Variants in EIF2AK3 observed in about 807,000 individuals in gnomAD.
The protein encoded by EIF2AK3 is eukaryotic translation initiation factor 2 alpha kinase 3, also known as eukaryotic translation initiation factor 2-alpha kinase 3.
A neutral mutation model predicts 113.5 loss-of-function variants in EIF2AK3; 50 were observed. The ratio of observed to expected loss-of-function variants is 0.44; its 90% CI spans 0.35 to 0.56. The LOEUF is 0.56. Among genes scored for constraint, EIF2AK3 ranks in the 20% least tolerant of loss-of-function variants. The pLI, the probability that EIF2AK3 is intolerant of heterozygous loss-of-function variation, is 0.00. For synonymous variants in EIF2AK3, 448 were observed against 495.4 expected (o/e 0.90, Z 1.27); for missense variants, 1,185 against 1,378.0 (o/e 0.86, Z 2.22).
At chr2:88,595,794 G>T (rs938712423) in intron 2 of EIF2AK3, 131 bp from the exon 3 acceptor site, 1 of 923,174 alleles carries the variant, frequency 1.1e-6, no homozygotes, top group South Asian at 1.4e-5. Flanking sequence ...TCTTGATCCT[G>T]ATGTACTCCA....
At position 88,590,962 on chromosome 2, in the gene EIF2AK3, A is replaced by G; in HGVS notation, c.858T>C (p.Asn286=). The part of the protein sequence containing the change: ...AGFIESTFKP[N]ENTEESKIIS... ...TAATTTTAGACTCTTCTGTGTTCTCATTGGGCTTAAAGGTGCTTTCAATAA... is the reference window on the plus strand; with the variant it reads ...TAATTTTAGACTCTTCTGTGTTCTCGTTGGGCTTAAAGGTGCTTTCAATAA... Residue 286 remains asparagine (N), a synonymous_variant, in exon 5 of 17, where the codon AAT becomes AAC. Transcript: ENST00000303236. 1 of 1,614,002 alleles carries G rather than the reference A, an allele frequency of 6.2e-7. No individual in the cohort carries two copies. The highest frequency in any genetic ancestry group is 8.5e-7 in the Non-Finnish European group (1 of 1,179,978).
Position 88,574,147 on chromosome 2 carries a change from C to T in EIF2AK3, c.2817+519G>A, listed in dbSNP as rs571963386. Among the ~76,000 whole-genome samples the T allele has an allele frequency of 9.2e-5, 14 of 152,206 alleles. No individual in the cohort carries two copies. The South Asian group carries it at 2.7e-3, about 29-fold the overall frequency. ...CCATTCGGCTTCTTACCCCTTCCCC[C>T]AAAGTCTAAACAGTTCAGAAAAAGA... On this transcript the variant is annotated intron_variant, in intron 13 of 16. Transcript: ENST00000303236.
intron 10 of EIF2AK3, among the ~76,000 whole-genome samples, chr2:88,580,702 A>G (rs1360852722): frequency 1.3e-5 from 2 of 152,172 alleles, no homozygotes; most frequent in Non-Finnish European, 2.9e-5. Flanking sequence ...TATAAGGGTA[A>G]GTTTATGACT....
chr2:88,590,721 G>T, intron 5 of EIF2AK3, 97 bp downstream of exon 5: 1 of 1,560,186 alleles, frequency 6.4e-7, no homozygotes, highest in Non-Finnish European at 8.8e-7. Context: ...CAAGCTGAGA[G>T]CCCCAAGTAG....
intron 15 of EIF2AK3, among the ~76,000 whole-genome samples, chr2:88,559,311 C>G (rs1243699268): frequency 3.3e-5 from 5 of 152,072 alleles, no homozygotes; most frequent in Non-Finnish European, 5.9e-5. Flanking sequence ...TCATTATTCC[C>G]TCATCAATAC....
intron 2 of EIF2AK3, among the ~76,000 whole-genome samples, chr2:88,596,015 G>A (rs1248898320): frequency 1.3e-5 from 2 of 152,158 alleles, no homozygotes; most frequent in Non-Finnish European, 2.9e-5. Flanking sequence ...GGTTACTATA[G>A]GAGCTCTTAT....
At chr2:88,624,834 T>C (rs940248752) in intron 1 of EIF2AK3, 2 of 152,294 alleles carry the variant, frequency 1.3e-5, no homozygotes, top group African/African-American at 4.8e-5. Flanking sequence ...AAAGGAAGAA[T>C]GCATTCACTT....
intron 14 of EIF2AK3, among the ~76,000 whole-genome samples, chr2:88,567,211 A>G (rs1019822360): frequency 1.3e-4 from 18 of 140,152 alleles, no homozygotes; most frequent in African/African-American, 4.3e-4. Context: ...TCCCTTTCTA[A>G]CCTTTTTTTT....
rs137993974 is a variant in EIF2AK3, at chr2:88,612,334, T to C, written c.438+1390A>G. 4.5e-4 allele frequency among the ~76,000 whole-genome samples: 69 copies of C among 152,350 alleles called. 1 individual carries two copies. Among genetic ancestry groups the C allele is most frequent in the African/African-American group, 1.6e-3 (66 of 41,592 alleles). On this transcript the variant is annotated intron_variant, in intron 2 of 16. Transcript: ENST00000303236. ...TTCTCATTTTGCTGATCATCTCTTA[T>C]GTCTAGTTTAAAAATAAAGTAAAAC...
chr2:88,557,712 T>C lies in EIF2AK3; in HGVS notation c.*24A>G. 1 of 1,612,018 alleles carries C rather than the reference T, an allele frequency of 6.2e-7. No homozygotes were observed. Among genetic ancestry groups the C allele is most frequent in the Non-Finnish European group, 8.5e-7 (1 of 1,178,054 alleles). On this transcript the variant is annotated 3_prime_UTR_variant, in exon 17 of 17. Transcript: ENST00000303236. The stretch of plus-strand genomic sequence containing the variant: ...GTAGGCTATTATCTGCATCACCTAT[T>C]AGGGTTGCTAGCACAACTTAAGGCT...
intron 9 of EIF2AK3, among the ~76,000 whole-genome samples, chr2:88,585,167 T>C (rs1275216583): frequency 6.6e-6 from 1 of 151,912 alleles, no homozygotes; most frequent in East Asian, 1.9e-4. Flanking sequence ...AACTGACACA[T>C]AGAGAAGAAG....
chr2:88,560,120 C>CT (rs991914685), intron 15 of EIF2AK3, among the ~76,000 whole-genome samples: 8 of 151,424 alleles, frequency 5.3e-5, no homozygotes, highest in African/African-American at 1.5e-4. Context: ...TTGACATTTC[C>CT]TTTTTTTTTA....
rs116753672 is a variant in EIF2AK3 at position 88,589,953 on chromosome 2, T to G, written c.1165+490A>C. ...GCGACAGTAATTAAAAATTTCAGAA[T>G]TGGGCTGGGCGTGGTGGCTCATGCC... On this transcript the variant is annotated intron_variant, in intron 6 of 16. Coordinates refer to ENST00000303236, the MANE Select transcript of EIF2AK3 (RefSeq NM_004836.7). 1.6e-3 allele frequency among the ~76,000 whole-genome samples: 247 copies of G among 152,226 alleles called. 2 individuals carry two copies. The highest frequency in any genetic ancestry group is 5.8e-3 in the African/African-American group (243 of 41,544).
intron 10 of EIF2AK3, among the ~76,000 whole-genome samples, chr2:88,581,304 T>G (rs1674595273): frequency 6.6e-6 from 1 of 152,162 alleles, no homozygotes; most frequent in African/African-American, 2.4e-5. Context: ...AGTATATTTT[T>G]CTAATTTTCT....
intron 15 of EIF2AK3, among the ~76,000 whole-genome samples, chr2:88,560,602 T>C (rs779981763): frequency 9.2e-5 from 14 of 152,294 alleles, no homozygotes; most frequent in Non-Finnish European, 1.5e-4. Context: ...TTCTTGACAG[T>C]ATTCTCTGAG....
At chr2:88,571,390 T>G (rs945007134) in intron 13 of EIF2AK3, among the ~76,000 whole-genome samples, 2 of 152,236 alleles carry the variant, frequency 1.3e-5, no homozygotes, top group African/African-American at 4.8e-5. Flanking sequence ...AAAGCCTTAA[T>G]AATTATAACT....
chr2:88,580,552 G>A (rs1003678901), intron 10 of EIF2AK3, among the ~76,000 whole-genome samples: 1 of 152,132 alleles, frequency 6.6e-6, no homozygotes, highest in Admixed American at 6.5e-5. Context: ...TATTTTGGGG[G>A]CCATGAATGC....
chr2:88,567,350 G>C (rs535405987), intron 14 of EIF2AK3, among the ~76,000 whole-genome samples: 1 of 151,984 alleles, frequency 6.6e-6, no homozygotes, highest in East Asian at 1.9e-4. Context: ...CTTTGCTGCA[G>C]TTTGTGTTTG....
chr2:88,620,341 C>T (rs2103980347), intron 1 of EIF2AK3, among the ~76,000 whole-genome samples: 1 of 152,282 alleles, frequency 6.6e-6, no homozygotes, highest in East Asian at 1.9e-4. Flanking sequence ...TCTATATTTT[C>T]CTCCATGTCT....
Sources: gnomAD v4.1 joint callset for allele counts (sites outside exome capture counted in the v4.1 genomes callset) on GRCh38, gnomAD v4.1.1 for gene constraint, MANE v1.5 for transcripts, NCBI Gene and HGNC (gene_info 2026-07-23, HGNC 2026-07-21) for gene names.